SRPK2: variants seen among roughly 807,000 people sequenced by gnomAD.
SRPK2 encodes the protein SRSF protein kinase 2, also known as SFRS protein kinase 2.
SRPK2 carries 21 observed loss-of-function variants against 90.8 expected under a neutral mutation model. That is an observed-to-expected ratio of 0.23 (90% CI 0.16 to 0.33). SRPK2 has a LOEUF of 0.33. SRPK2 is among the 10% of genes least tolerant of loss of function. The probability of loss-of-function intolerance (pLI) is 1.00; values close to 1 mark genes in which losing one functional copy is unlikely to be tolerated. For synonymous variants in SRPK2, 288 were observed against 311.1 expected (o/e 0.93, Z 0.78); for missense variants, 620 against 869.0 (o/e 0.71, Z 3.60).
intron 3 of SRPK2, among the ~76,000 whole-genome samples, chr7:105,171,017 G>GAAA (rs1791056759): frequency 7.9e-6 from 1 of 126,260 alleles, no homozygotes; most frequent in African/African-American, 2.9e-5. Flanking sequence ...AAGAAAGAGA[G>GAAA]GAAGGAAGGA....
chr7:105,170,681 G>A (rs569808533), intron 3 of SRPK2, among the ~76,000 whole-genome samples: 1 of 147,892 alleles, frequency 6.8e-6, no homozygotes, highest in African/African-American at 2.5e-5. Flanking sequence ...GTTACAGAGT[G>A]AGACTCCACC....
intron 15 of SRPK2, among the ~76,000 whole-genome samples, chr7:105,119,195 CTTTAA>C (rs1010374032): frequency 4.5e-4 from 68 of 151,976 alleles, no homozygotes; most frequent in African/African-American, 1.6e-3. Context: ...CTTTCAACTG[CTTTAA>C]TTTAAACAAG....
intron 3 of SRPK2, among the ~76,000 whole-genome samples, chr7:105,177,024 T>C (rs1219569027): frequency 6.6e-6 from 1 of 152,156 alleles, no homozygotes; most frequent in Non-Finnish European, 1.5e-5. Context: ...TCACTGTAGA[T>C]ATTCCGTATA....
At chr7:105,245,333 A>G (rs1273235573) in intron 2 of SRPK2, among the ~76,000 whole-genome samples, 3 of 152,176 alleles carry the variant, frequency 2.0e-5, no homozygotes. Context: ...GCATCTTCTC[A>G]GTGAGGTCCA....
chr7:105,160,191 A>C (rs1807378685), intron 7 of SRPK2: 1 of 174,174 alleles, frequency 5.7e-6, no homozygotes, highest in Non-Finnish European at 1.2e-5. Flanking sequence ...TAATGAACTA[A>C]GTGGATGTTT....
At chr7:105,287,771 T>C (rs1808364793) in intron 2 of SRPK2, among the ~76,000 whole-genome samples, 1 of 152,120 alleles carries the variant, frequency 6.6e-6, no homozygotes, top group African/African-American at 2.4e-5. Flanking sequence ...TAAAATGATA[T>C]TCCTTATTCT....
chr7:105,129,129 T>C (rs1801622936), intron 13 of SRPK2, among the ~76,000 whole-genome samples: 1 of 152,066 alleles, frequency 6.6e-6, no homozygotes, highest in Non-Finnish European at 1.5e-5. Flanking sequence ...GCCCGGCTAA[T>C]TTTTTGTAGA....
chr7:105,161,380 T>G (rs1807627105), intron 6 of SRPK2, among the ~76,000 whole-genome samples: 1 of 152,188 alleles, frequency 6.6e-6, no homozygotes, highest in African/African-American at 2.4e-5. Context: ...AATCTATGAA[T>G]GGGGAACCAG....
intron 2 of SRPK2, among the ~76,000 whole-genome samples, chr7:105,205,517 T>A (rs62484664): frequency 0.013 from 1,276 of 95,722 alleles, 13 homozygotes; most frequent in Non-Finnish European, 0.019. Context: ...TCTCTCTCTC[T>A]CACACACACA....
intron 2 of SRPK2, among the ~76,000 whole-genome samples, chr7:105,221,227 C>G (rs533154829): frequency 6.6e-6 from 1 of 152,128 alleles, no homozygotes; most frequent in African/African-American, 2.4e-5. Flanking sequence ...CCATTATACG[C>G]TTGTCTTTAC....
At position 105,364,406 on chromosome 7, in the gene SRPK2, T is replaced by TTTTTTTTTTTG. The variant is rs1818789065; in HGVS notation, c.71+24241_71+24242insCAAAAAAAAAA. Among the ~76,000 whole-genome samples the TTTTTTTTTTTG allele has an allele frequency of 3.2e-5, 3 of 94,544 alleles. No individual in the cohort carries two copies. The South Asian group carries it at 1.1e-3, about 35-fold the overall frequency. The allele number at this position is 94,544 out of a possible 152,430, so 62.0% of individuals were successfully genotyped here. On this transcript the variant is annotated intron_variant, in intron 2 of 15. Transcript: ENST00000393651. ...TTTCCATAGCATACCGTGTGTAACGTTTTTTTTTTTTTGAGAAGGAGTCTC... is the reference window on the plus strand; with the variant it reads ...TTTCCATAGCATACCGTGTGTAACGTTTTTTTTTTTGTTTTTTTTTTTTGAGAAGGAGTCTC...
chr7:105,154,051 G>C (rs1806144478), intron 7 of SRPK2, among the ~76,000 whole-genome samples: 1 of 152,230 alleles, frequency 6.6e-6, no homozygotes, highest in Non-Finnish European at 1.5e-5. Flanking sequence ...ACAAGAGCCA[G>C]AGACACGCTC....
intron 3 of SRPK2, among the ~76,000 whole-genome samples, chr7:105,181,834 A>G (rs559915516): frequency 6.6e-6 from 1 of 151,316 alleles, no homozygotes; most frequent in African/African-American, 2.4e-5. Context: ...CAGTTTACCT[A>G]CATAACACAT....
chr7:105,326,412 T>C (rs1324133759), intron 2 of SRPK2, among the ~76,000 whole-genome samples: 3 of 152,228 alleles, frequency 2.0e-5, no homozygotes, highest in African/African-American at 7.2e-5. Context: ...CCATTATTTA[T>C]AGTAATCCTG....
chr7:105,227,786 A>C (rs2129618484), intron 2 of SRPK2, among the ~76,000 whole-genome samples: 1 of 152,126 alleles, frequency 6.6e-6, no homozygotes, highest in South Asian at 2.1e-4. Flanking sequence ...ATGAATGTTC[A>C]GTCACAATAT....
chr7:105,356,983 A>T (rs967654509), intron 2 of SRPK2, among the ~76,000 whole-genome samples: 1 of 152,016 alleles, frequency 6.6e-6, no homozygotes, highest in Non-Finnish European at 1.5e-5. Context: ...CCCAACTAAG[A>T]CTATTAAATC....
chr7:105,326,879 T>C (rs925894123), intron 2 of SRPK2, among the ~76,000 whole-genome samples: 1 of 152,014 alleles, frequency 6.6e-6, no homozygotes, highest in Non-Finnish European at 1.5e-5. Context: ...CTGACCAACA[T>C]GGTGAAACCC....
intron 2 of SRPK2, among the ~76,000 whole-genome samples, chr7:105,366,515 G>A (rs562416488): frequency 1.1e-4 from 16 of 151,864 alleles, no homozygotes; most frequent in East Asian, 9.7e-4. Flanking sequence ...GACTACAGGC[G>A]TGCACCACCA....
At chr7:105,373,119 G>A (rs1474197940) in intron 2 of SRPK2, among the ~76,000 whole-genome samples, 2 of 152,022 alleles carry the variant, frequency 1.3e-5, no homozygotes, top group Non-Finnish European at 2.9e-5. Context: ...TATTGGACCT[G>A]TAATACAAAC....
Sources: allele counts gnomAD v4.1 joint callset (sites outside exome capture counted in the v4.1 genomes callset), GRCh38; gene constraint gnomAD v4.1.1; transcripts MANE v1.5; gene names NCBI Gene and HGNC (gene_info 2026-07-23, HGNC 2026-07-21).